The following KAZN variants were observed in gnomAD, a reference collection of about 807,000 sequenced individuals.
KAZN encodes kazrin.
In KAZN, 40 loss-of-function variants were observed where a neutral mutation model predicts 87.4. The observed-to-expected ratio is 0.46, with a 90% CI of 0.36 to 0.60. The LOEUF is 0.60. Ranked by LOEUF, KAZN falls within the 20% of genes least tolerant of loss-of-function variation. The pLI is 0.00. For synonymous variants in KAZN, 466 were observed against 458.3 expected, an observed-to-expected ratio of 1.02 and a Z score of -0.22; for missense variants, 898 against 1,073.9, an observed-to-expected ratio of 0.84 and a Z score of 2.29.
At chr1:14,474,734 G>A (rs910793467) in intron 2 of KAZN, among the ~76,000 whole-genome samples, 3 of 152,216 alleles carry the variant, frequency 2.0e-5, no homozygotes, top group Non-Finnish European at 4.4e-5. Context: ...ATGGAAGTAG[G>A]AATACCAGAT....
At chr1:14,309,564 T>A (rs776041257) in intron 2 of KAZN, among the ~76,000 whole-genome samples, 2 of 152,106 alleles carry the variant, frequency 1.3e-5, no homozygotes, top group African/African-American at 2.4e-5. Flanking sequence ...ATTAATTGAT[T>A]TTTTTGTTTT....
chr1:14,980,064 T>A (rs1412071324), intron 2 of KAZN, among the ~76,000 whole-genome samples: 1 of 152,046 alleles, frequency 6.6e-6, no homozygotes, highest in Admixed American at 6.6e-5. Context: ...AATTTTTGTA[T>A]TTTTAGTAGA....
intron 1 of KAZN, among the ~76,000 whole-genome samples, chr1:14,852,984 T>A (rs1649640802): frequency 6.6e-6 from 1 of 152,136 alleles, no homozygotes; most frequent in Non-Finnish European, 1.5e-5. Flanking sequence ...GTTTCCCAGG[T>A]GAGGAACCTG....
chr1:13,948,588 G>A (rs1641231111), intron 1 of KAZN, among the ~76,000 whole-genome samples: 1 of 152,118 alleles, frequency 6.6e-6, no homozygotes, highest in Non-Finnish European at 1.5e-5. Flanking sequence ...GTGGGGAAAG[G>A]GGGCAGTGGA....
At position 14,949,155 on chromosome 1, in the gene KAZN, A is replaced by AAATAATAATAATAATAAT. The variant is rs3039717; in HGVS notation, c.227-11511_227-11494dup. Among the ~76,000 whole-genome samples the AAATAATAATAATAATAAT allele has an allele frequency of 1.4e-5, 2 of 143,868 alleles. No homozygotes were observed. The highest frequency in any genetic ancestry group is 5.1e-5 in the African/African-American group (2 of 38,866). 94.4% of individuals were successfully genotyped at this position (143,868 alleles called of 152,430 possible). Reference sequence around the variant, plus strand: ...GCAACAGAGTGAGACTCCGACTCAAAAATAATAATAATAATAATAATAATA... The same window carrying AAATAATAATAATAATAAT: ...GCAACAGAGTGAGACTCCGACTCAAAAATAATAATAATAATAATAATAATAATAATAATAATAATAATA... On this transcript the variant is annotated intron_variant, in intron 1 of 14. Coordinates refer to ENST00000376030, the MANE Select transcript of KAZN (RefSeq NM_201628.3). The surrounding 1 kb of genome is among the most constrained non-coding windows in gnomAD (Gnocchi z 4.3).
At chr1:14,637,039 C>G (rs1680044792) in intron 1 of KAZN, among the ~76,000 whole-genome samples, 1 of 152,144 alleles carries the variant, frequency 6.6e-6, no homozygotes, top group African/African-American at 2.4e-5. Context: ...TCTGAGCTGA[C>G]AGTTTATGCA....
chr1:14,180,169 A>G (rs938216622), intron 1 of KAZN, among the ~76,000 whole-genome samples: 4 of 152,064 alleles, frequency 2.6e-5, no homozygotes, highest in African/African-American at 7.2e-5. Context: ...TAGATACTCC[A>G]TGAAGGTAGG....
In KAZN at chr1:14,728,558, A is replaced by G. The variant is rs961861703; in HGVS notation, c.226+129335A>G. Among the ~76,000 whole-genome samples the G allele has an allele frequency of 4.6e-5, 7 of 152,308 alleles. No individual in the cohort carries two copies. The South Asian group carries it at 6.2e-4, about 14-fold the overall frequency. On this transcript the variant is annotated intron_variant, in intron 1 of 14. Transcript: ENST00000376030. ...ACTCAGGTCACCTAGGATGGGGCCC[A>G]GGGACCTGAATTTTAGCAGCTTGTC...
chr1:15,009,311 CA>C (rs1669348300), intron 2 of KAZN, among the ~76,000 whole-genome samples: 1 of 152,224 alleles, frequency 6.6e-6, no homozygotes, highest in Admixed American at 6.5e-5. Flanking sequence ...AGAATCCCGA[CA>C]GAAGAGAGGG....
intron 1 of KAZN, among the ~76,000 whole-genome samples, chr1:13,960,087 G>A (rs1368407005): frequency 5.2e-4 from 76 of 146,328 alleles, no homozygotes; most frequent in Non-Finnish European, 4.5e-5. Context: ...TGGGGAAAAA[G>A]CCATTAATAA....
At chr1:14,015,376 T>C (rs1239800838) in intron 1 of KAZN, among the ~76,000 whole-genome samples, 1 of 150,120 alleles carries the variant, frequency 6.7e-6, no homozygotes, top group East Asian at 2.0e-4. Flanking sequence ...ATTCCCTCAG[T>C]GGACCTAGGC....
At chr1:13,960,741 G>A (rs533872165) in intron 1 of KAZN, among the ~76,000 whole-genome samples, 4 of 152,320 alleles carry the variant, frequency 2.6e-5, no homozygotes, top group South Asian at 4.1e-4. Flanking sequence ...AAGGCGGACT[G>A]TCAGGGCTTG....
At chr1:14,310,954 C>T (rs915268097) in intron 2 of KAZN, among the ~76,000 whole-genome samples, 3 of 152,224 alleles carry the variant, frequency 2.0e-5, no homozygotes, top group Admixed American at 6.5e-5. Context: ...ACATGAGGGG[C>T]GGTGTTTTAG....
intron 2 of KAZN, among the ~76,000 whole-genome samples, chr1:14,575,227 A>G (rs1675106818): frequency 6.6e-6 from 1 of 152,040 alleles, no homozygotes; most frequent in African/African-American, 2.4e-5. Context: ...GTAGTAGTGG[A>G]TTAGTCTGTT....
At chr1:14,605,328 C>T (rs1572031286) in intron 1 of KAZN, among the ~76,000 whole-genome samples, 1 of 152,290 alleles carries the variant, frequency 6.6e-6, no homozygotes, top group South Asian at 2.1e-4. Flanking sequence ...ATTATTGAAT[C>T]CTGAGGCCAG....
chr1:14,179,574 A>G (rs571550224), intron 1 of KAZN, among the ~76,000 whole-genome samples: 1 of 152,330 alleles, frequency 6.6e-6, no homozygotes, highest in Admixed American at 6.5e-5. Flanking sequence ...ATTGTGGCAA[A>G]TGCAGTGGCT....
chr1:14,725,062 T>C (rs1160260181), intron 1 of KAZN, among the ~76,000 whole-genome samples: 1 of 152,210 alleles, frequency 6.6e-6, no homozygotes, highest in Non-Finnish European at 1.5e-5. Context: ...TCATTCCTCT[T>C]GTAATTTACC....
intron 2 of KAZN, among the ~76,000 whole-genome samples, chr1:14,345,550 C>A (rs1658047057): frequency 1.3e-5 from 2 of 152,180 alleles, no homozygotes; most frequent in Non-Finnish European, 2.9e-5. Context: ...TGTTCTTTCA[C>A]ACTGTGTCTT....
At chr1:14,472,101 G>A (rs1668487301) in intron 2 of KAZN, among the ~76,000 whole-genome samples, 2 of 152,146 alleles carry the variant, frequency 1.3e-5, no homozygotes, top group Non-Finnish European at 2.9e-5. Context: ...CATGGCAGAA[G>A]GGTGAACAAG....
Sources: allele counts gnomAD v4.1 joint callset (sites outside exome capture counted in the v4.1 genomes callset), GRCh38; gene constraint gnomAD v4.1.1; non-coding constraint Gnocchi (gnomAD v3.1); transcripts MANE v1.5; gene names NCBI Gene and HGNC (gene_info 2026-07-23, HGNC 2026-07-21).